The following VPS13B variants were observed in gnomAD, a reference collection of about 807,000 sequenced individuals.
VPS13B encodes the protein intermembrane lipid transfer protein VPS13B.
VPS13B carries 285 observed loss-of-function variants against 426.4 expected under a neutral mutation model. That is an observed-to-expected ratio of 0.67 (90% confidence interval 0.61 to 0.74). The LOEUF (loss-of-function observed/expected upper bound fraction) is 0.74, where lower values mean the gene tolerates loss of function less well. VPS13B is among the 30% of genes least tolerant of loss of function. The pLI is 0.00. For missense variants in VPS13B, 4,537 were observed against 4,782.6 expected (o/e 0.95, Z 1.51); for synonymous variants, 1,676 against 1,676.4 (o/e 1.00, Z 0.01).
Position 99,481,704 on chromosome 8 carries a change from G to A in VPS13B, c.3772G>A (p.Gly1258Arg). The change falls in exon 25 of 62, where the codon GGG becomes AGG. Residue 1258 changes from glycine (G) to arginine (R), a missense_variant. By Grantham distance (125) the Gly-to-Arg change is moderately radical. Around this residue, in one of 2 missense-constraint regions of VPS13B, gnomAD observed 4,311 missense variants for 4,474.3 expected, o/e 0.96. Transcript: ENST00000357162. Reference sequence around the variant, plus strand: ...TCCAACCTCTCCAGAGACCATGGCAGGGCCTGTTCCTACTTCTCCAGTTAG... The same window carrying A: ...TCCAACCTCTCCAGAGACCATGGCAAGGCCTGTTCCTACTTCTCCAGTTAG... The part of the protein sequence containing the change: ...LSPTSPETMA[G>R]PVPTSPVRSS... The A allele has an allele frequency of 6.2e-7, 1 of 1,613,970 alleles. No homozygotes were observed. The highest frequency in any genetic ancestry group is 8.5e-7 in the Non-Finnish European group (1 of 1,179,916).
At position 99,367,280 on chromosome 8, in the gene VPS13B, G is replaced by A. The variant is rs528626549; in HGVS notation, c.2825-16928G>A. Among the ~76,000 whole-genome samples, 15 of 152,194 alleles carry A rather than the reference G, an allele frequency of 9.9e-5. No individual in the cohort carries two copies. The East Asian group carries it at 1.7e-3, about 18-fold the overall frequency. On this transcript the variant is annotated intron_variant, in intron 19 of 61. Transcript: ENST00000357162. ...TATTTTCACAGGATATACTATTCTAGGGTAAAAGGTTTTTCCCTTCAGAAC... is the reference window on the plus strand; with the variant it reads ...TATTTTCACAGGATATACTATTCTAAGGTAAAAGGTTTTTCCCTTCAGAAC...
intron 39 of VPS13B, among the ~76,000 whole-genome samples, chr8:99,722,764 C>T (rs191192244): frequency 1.3e-3 from 196 of 152,270 alleles, no homozygotes; most frequent in Middle Eastern, 6.8e-3. Flanking sequence ...GCCTCGGCCT[C>T]CCAAAGTGCT....
intron 30 of VPS13B, among the ~76,000 whole-genome samples, chr8:99,531,423 AGATATTTAAAAGTCAT>A (rs1189348372): frequency 6.6e-6 from 1 of 152,114 alleles, no homozygotes; most frequent in Admixed American, 6.5e-5. Flanking sequence ...TATTTATAGG[AGATATTTAAAAGTCAT>A]TATAAAACAG....
intron 8 of VPS13B, among the ~76,000 whole-genome samples, chr8:99,132,368 A>G (rs1229754308): frequency 6.6e-6 from 1 of 152,158 alleles, no homozygotes; most frequent in African/African-American, 2.4e-5. Flanking sequence ...TTTATCCATA[A>G]GAAGCCAGTC....
At chr8:99,180,604 C>T (rs1812896757) in intron 16 of VPS13B, among the ~76,000 whole-genome samples, 1 of 152,130 alleles carries the variant, frequency 6.6e-6, no homozygotes, top group African/African-American at 2.4e-5. Flanking sequence ...TGACTTTTGA[C>T]TCCAACCTAA....
At chr8:99,868,205 A>G in intron 58 of VPS13B, 84 bp from the exon 59 acceptor site, 1 of 1,570,056 alleles carries the variant, frequency 6.4e-7, no homozygotes, top group East Asian at 2.2e-5. Flanking sequence ...TTTTCAATCC[A>G]GATAAAACTG....
At chr8:99,488,951 C>G (rs1264999905) in intron 25 of VPS13B, among the ~76,000 whole-genome samples, 1 of 152,108 alleles carries the variant, frequency 6.6e-6, no homozygotes, top group Non-Finnish European at 1.5e-5. Flanking sequence ...GTCATGAAGT[C>G]TTTGCCCATT....
intron 19 of VPS13B, among the ~76,000 whole-genome samples, chr8:99,281,560 A>G (rs1819171740): frequency 6.6e-6 from 1 of 152,228 alleles, no homozygotes; most frequent in South Asian, 2.1e-4. Context: ...ACAGGCAGCC[A>G]TCTGAACAAA....
At chr8:99,040,684 C>G (rs938796423) in intron 3 of VPS13B, among the ~76,000 whole-genome samples, 1 of 151,870 alleles carries the variant, frequency 6.6e-6, no homozygotes, top group South Asian at 2.1e-4. Context: ...AGAATCACCA[C>G]GAAGAAAAGA....
chr8:99,465,377 A>G (rs1483172280), intron 23 of VPS13B, among the ~76,000 whole-genome samples: 1 of 151,306 alleles, frequency 6.6e-6, no homozygotes, highest in Non-Finnish European at 1.5e-5. Context: ...TGCTAAATAA[A>G]TGGACATGAA....
intron 8 of VPS13B, among the ~76,000 whole-genome samples, chr8:99,124,905 A>G (rs932832081): frequency 1.5e-5 from 2 of 132,846 alleles, no homozygotes; most frequent in African/African-American, 5.4e-5. Context: ...AAAAAAAAGG[A>G]ATGAAGTTCT....
intron 17 of VPS13B, among the ~76,000 whole-genome samples, chr8:99,246,482 A>C (rs750813093): frequency 6.6e-6 from 1 of 152,214 alleles, no homozygotes; most frequent in Non-Finnish European, 1.5e-5. Context: ...TTGTGCTACA[A>C]CACCAGAGTT....
intron 39 of VPS13B, among the ~76,000 whole-genome samples, chr8:99,729,114 C>T (rs1185830245): frequency 3.3e-5 from 5 of 152,130 alleles, no homozygotes; most frequent in Admixed American, 6.5e-5. Context: ...TTGGCCCAGT[C>T]AACTTTGGTC....
At position 99,853,790 on chromosome 8, in the gene VPS13B, A is replaced by C; in HGVS notation, c.10401A>C (p.Lys3467Asn). The change falls in exon 56 of 62, where the codon AAA becomes AAC. Residue 3467 changes from lysine (K) to asparagine (N), a missense_variant. Transcript: ENST00000357162. ...TGCAGAGTCTCCTCATATCCAACAAAGAGTTGGAAGAATACAAGGAAAAAT... is the reference window on the plus strand; with the variant it reads ...TGCAGAGTCTCCTCATATCCAACAACGAGTTGGAAGAATACAAGGAAAAAT... ...SKMQSLLISNKELEEYKEKCF... is the reference protein window; with the variant it reads ...SKMQSLLISNNELEEYKEKCF... The C allele has an allele frequency of 1.2e-6, 2 of 1,614,228 alleles. No homozygotes were observed. The highest frequency in any genetic ancestry group is 1.7e-6 in the Non-Finnish European group (2 of 1,180,026).
At chr8:99,178,178 C>CT (rs1462514830) in intron 16 of VPS13B, among the ~76,000 whole-genome samples, 12 of 148,922 alleles carry the variant, frequency 8.1e-5, no homozygotes, top group Non-Finnish European at 1.2e-4. Flanking sequence ...TTATTATACT[C>CT]TAAGTTTTAG....
intron 33 of VPS13B, among the ~76,000 whole-genome samples, chr8:99,636,718 G>T (rs1829086261): frequency 1.3e-5 from 2 of 152,002 alleles, no homozygotes; most frequent in South Asian, 4.1e-4. Flanking sequence ...AAAGCATTTT[G>T]TCTCAAGTGC....
chr8:99,511,238 T>G lies in VPS13B; in HGVS notation c.4359T>G (p.Ser1453=), dbSNP rs1187402533. ...RNERRSFHKL[S]EGLMDGSPHF... The stretch of plus-strand genomic sequence containing the variant: ...AGCGAAGAAGTTTTCATAAGTTATC[T>G]GAAGGCCTAATGGATGGTTCTCCTC... The change falls in exon 29 of 62, where the codon TCT becomes TCG. Residue 1453 remains serine (S), a synonymous_variant. Coordinates refer to ENST00000357162, the MANE Select transcript of VPS13B (RefSeq NM_152564.5). 1 of 1,614,016 alleles carries G rather than the reference T, an allele frequency of 6.2e-7. No homozygotes were observed. Among genetic ancestry groups the G allele is most frequent in the African/African-American group, 1.3e-5 (1 of 74,938 alleles).
intron 25 of VPS13B, among the ~76,000 whole-genome samples, chr8:99,493,797 A>T (rs916901113): frequency 1.3e-5 from 2 of 149,572 alleles, no homozygotes; most frequent in African/African-American, 4.9e-5. Context: ...AAAAAAAAAA[A>T]AAAAGAAAAG....
At chr8:99,242,769 G>GT (rs1219942471) in intron 17 of VPS13B, among the ~76,000 whole-genome samples, 1 of 152,016 alleles carries the variant, frequency 6.6e-6, no homozygotes, top group Non-Finnish European at 1.5e-5. Flanking sequence ...CTGACATTTT[G>GT]TATGCTTTCC....
Sources: allele counts gnomAD v4.1 joint callset (sites outside exome capture counted in the v4.1 genomes callset), GRCh38; gene constraint gnomAD v4.1.1; regional missense constraint gnomAD v4.1.1; transcripts MANE v1.5; gene names NCBI Gene and HGNC (gene_info 2026-07-23, HGNC 2026-07-21).